SYNPO: variants seen among roughly 807,000 people sequenced by gnomAD.
The protein encoded by SYNPO is synaptopodin.
Under a neutral mutation model 49.5 loss-of-function variants are expected in SYNPO, and 19 were observed. The observed-to-expected ratio is 0.38, with a 90% CI of 0.27 to 0.56. SYNPO has a LOEUF of 0.56. SYNPO is among the 20% of genes least tolerant of loss of function. The pLI is 0.68. For missense variants in SYNPO, 1,131 were observed against 1,248.3 expected (o/e 0.91, Z 1.42); for synonymous variants, 536 against 548.0 (o/e 0.98, Z 0.31).
chr5:150,595,794 C>CA, the SYNPO span, among the ~76,000 whole-genome samples: 1 of 148,968 alleles, frequency 6.7e-6, no homozygotes, highest in Admixed American at 6.7e-5. Context: ...AATCTCCCCC[C>CA]ACCCCAGCCC....
At chr5:150,593,039 T>C in the SYNPO span, among the ~76,000 whole-genome samples, 2 of 152,232 alleles carry the variant, frequency 1.3e-5, no homozygotes, top group Non-Finnish European at 2.9e-5. Flanking sequence ...CTGAACAAAG[T>C]GCTCCCCTCT....
chr5:150,631,164 A>G (rs148787772), intron 2 of SYNPO, among the ~76,000 whole-genome samples: 122 of 152,338 alleles, frequency 8.0e-4, no homozygotes, highest in African/African-American at 2.9e-3. Context: ...ACAAATGTTT[A>G]TTCAGGCCCA....
At chr5:150,634,660 A>T (rs180771562) in intron 2 of SYNPO, among the ~76,000 whole-genome samples, 19 of 152,118 alleles carry the variant, frequency 1.2e-4, no homozygotes, top group South Asian at 6.2e-4. Flanking sequence ...CTGTACAAAA[A>T]TTTTTTTAAA....
At chr5:150,594,689 C>T in the SYNPO span, among the ~76,000 whole-genome samples, 12 of 152,336 alleles carry the variant, frequency 7.9e-5, no homozygotes, top group East Asian at 1.5e-3. Flanking sequence ...TTTCAGTTCA[C>T]GGAGCACTTT....
chr5:150,621,032 G>A (rs1384000001), intron 2 of SYNPO, among the ~76,000 whole-genome samples: 2 of 145,614 alleles, frequency 1.4e-5, no homozygotes, highest in Non-Finnish European at 3.0e-5. Context: ...GGCTCATTGC[G>A]ACCTCCGCCT....
the SYNPO span, among the ~76,000 whole-genome samples, chr5:150,593,054 C>T: frequency 2.0e-5 from 3 of 152,220 alleles, no homozygotes; most frequent in Non-Finnish European, 4.4e-5. Context: ...CCCTCTGTCC[C>T]GGGACAGTCC....
At chr5:150,646,820 C>T (rs1758111000) in intron 1 of SYNPO, among the ~76,000 whole-genome samples, 2 of 152,126 alleles carry the variant, frequency 1.3e-5, no homozygotes, top group Admixed American at 1.3e-4. Flanking sequence ...TGCTATAATT[C>T]TGAAAGTATA....
intron 2 of SYNPO, among the ~76,000 whole-genome samples, chr5:150,634,463 T>C (rs547117565): frequency 2.6e-5 from 4 of 152,140 alleles, no homozygotes; most frequent in African/African-American, 9.6e-5. Context: ...GGTGCTAAGG[T>C]GTATGGTGCT....
At chr5:150,586,093 G>C in the SYNPO span, among the ~76,000 whole-genome samples, 1 of 152,256 alleles carries the variant, frequency 6.6e-6, no homozygotes, top group Non-Finnish European at 1.5e-5. Context: ...GTATGGCGCA[G>C]CTGCAAGCCA....
At chr5:150,609,787 G>GGGA (rs921400019) in intron 1 of SYNPO, among the ~76,000 whole-genome samples, 4 of 61,802 alleles carry the variant, frequency 6.5e-5, no homozygotes, top group East Asian at 8.4e-4. Context: ...TGAATGTGGC[G>GGGA]GGGGGGGGCA....
At chr5:150,651,362 T>G (rs1758378900) in intron 2 of SYNPO, 5 of 1,000,450 alleles carry the variant, frequency 5.0e-6, no homozygotes, top group Non-Finnish European at 6.0e-6. Context: ...GGGCCTCAGT[T>G]TTATCATTTA....
chr5:150,657,430 TCTCACACACACA>T lies in SYNPO; in HGVS notation c.*345_*356del, dbSNP rs1212623567. 1.5e-4 allele frequency: 24 copies of T among 157,534 alleles called. No individual in the cohort carries two copies. The highest frequency in any genetic ancestry group is 4.7e-4 in the African/African-American group (11 of 23,648). The allele number at this position is 157,534 out of a possible 1,614,324, so 9.8% of individuals were successfully genotyped here. On this transcript the variant is annotated 3_prime_UTR_variant, in exon 3 of 3. Transcript: ENST00000307662. ...CACTCTCTCTTTCTCTCTCTCTCTCTCTCACACACACACACACACACACACACACACACACAC... is the reference window on the plus strand; with the variant it reads ...CACTCTCTCTTTCTCTCTCTCTCTCTCACACACACACACACACACACACAC...
At chr5:150,619,908 A>C (rs1031609549) in intron 2 of SYNPO, among the ~76,000 whole-genome samples, 11 of 152,014 alleles carry the variant, frequency 7.2e-5, no homozygotes, top group Non-Finnish European at 1.5e-4. Flanking sequence ...AGGACCTTTA[A>C]TCCCTCTAGG....
In SYNPO at chr5:150,649,492, G is replaced by A. The variant is rs1188196591; in HGVS notation, c.1217G>A (p.Arg406Gln). Reference sequence around the variant, plus strand: ...CTGGTACAGACAGCGGATGAGAAGCGGCGGCAGAGGGACCAGGGGGAGGTA... The same window carrying A: ...CTGGTACAGACAGCGGATGAGAAGCAGCGGCAGAGGGACCAGGGGGAGGTA... ...LDLVQTADEKRRQRDQGEVGV... is the reference protein window; with the variant it reads ...LDLVQTADEKQRQRDQGEVGV... Residue 406 changes from arginine (R) to glutamine (Q), a missense_variant, in exon 2 of 3, where the codon CGG becomes CAG. Around this residue, in one of 4 missense-constraint regions of SYNPO, gnomAD observed 602 missense variants for 720.7 expected, o/e 0.84. Transcript: ENST00000307662. The A allele has an allele frequency of 6.2e-6, 10 of 1,613,514 alleles. No individual in the cohort carries two copies. Among genetic ancestry groups the A allele is most frequent in the Admixed American group, 1.7e-5 (1 of 59,956 alleles).
intron 1 of SYNPO, among the ~76,000 whole-genome samples, chr5:150,641,396 T>G (rs375344017): frequency 3.3e-5 from 5 of 152,356 alleles, no homozygotes; most frequent in African/African-American, 1.2e-4. Context: ...TGGGCTGCCT[T>G]GAGCCAATCT....
chr5:150,648,990 A>G lies in SYNPO; in HGVS notation c.715A>G (p.Thr239Ala). The change falls in exon 2 of 3, where the codon ACG (threonine) becomes GCG (alanine). Residue 239 changes from threonine (T) to alanine (A), a missense_variant. Transcript: ENST00000307662. The surrounding 1 kb of genome is among the most constrained non-coding windows in gnomAD (Gnocchi z 5.0). ...CAAGCCCCCATCAGTGGTCAACAGG[A>G]CGGCCAGGCCTTTTGGGATCCAGGC... ...LAKPPSVVNRTARPFGIQAPG... is the reference protein window; with the variant it reads ...LAKPPSVVNRAARPFGIQAPG... 1.2e-6 allele frequency: 2 copies of G among 1,614,224 alleles called. No individual in the cohort carries two copies. Among genetic ancestry groups the G allele is most frequent in the Non-Finnish European group, 1.7e-6 (2 of 1,180,026 alleles).
intron 2 of SYNPO, among the ~76,000 whole-genome samples, chr5:150,620,541 C>A (rs980303029): frequency 2.0e-5 from 3 of 152,142 alleles, no homozygotes; most frequent in Non-Finnish European, 4.4e-5. Flanking sequence ...TTTTTGAACA[C>A]GAGGCTTGTG....
At chr5:150,634,802 G>A (rs1042598207) in intron 2 of SYNPO, among the ~76,000 whole-genome samples, 3 of 149,330 alleles carry the variant, frequency 2.0e-5, no homozygotes, top group South Asian at 2.1e-4. Flanking sequence ...TGCCAGCCTG[G>A]GTGACAGAGT....
In SYNPO at chr5:150,650,896, G is replaced by A. The variant is rs577355352; in HGVS notation, c.2028+593G>A. ...GCCTTCTGGACACCGTTTCCTCTCC[G>A]CTGCTTCAGAGAGCTTTGCCTCGCC... On this transcript the variant is annotated intron_variant, in intron 2 of 2. Coordinates refer to ENST00000307662, the MANE Select transcript of SYNPO (RefSeq NM_007286.6). 56 of 1,258,062 alleles carry A rather than the reference G, an allele frequency of 4.5e-5. No individual in the cohort carries two copies. The African/African-American group carries it at 6.7e-4, about 15-fold the overall frequency. 77.9% of individuals were successfully genotyped at this position (1,258,062 alleles called of 1,614,324 possible).
Sources: allele counts gnomAD v4.1 joint callset (sites outside exome capture counted in the v4.1 genomes callset), GRCh38; gene constraint gnomAD v4.1.1; regional missense constraint gnomAD v4.1.1; non-coding constraint Gnocchi (gnomAD v3.1); transcripts MANE v1.5; gene names NCBI Gene and HGNC (gene_info 2026-07-23, HGNC 2026-07-21).